The following MAP7D3 variants were observed in gnomAD, a reference collection of about 807,000 sequenced individuals.
MAP7D3 encodes the protein MAP7 domain-containing protein 3.
In MAP7D3, 45 loss-of-function variants were observed where a neutral mutation model predicts 62.2. The observed-to-expected ratio is 0.72, with a 90% CI of 0.57 to 0.93. MAP7D3 has a LOEUF of 0.93. Ranked by LOEUF, MAP7D3 falls within the 40% of genes least tolerant of loss-of-function variation. MAP7D3 has a pLI of 0.00. For synonymous variants in MAP7D3, 288 were observed against 248.8 expected (o/e 1.16, Z -1.48); for missense variants, 711 against 683.1 (o/e 1.04, Z -0.45).
chrX:136,227,042 T>C (rs767680800), intron 12 of MAP7D3, among the ~76,000 whole-genome samples: 2 of 111,678 alleles, frequency 1.8e-5, no homozygotes, highest in Middle Eastern at 4.6e-3. Flanking sequence ...GGCAGGAGAA[T>C]GGCTTGAACC....
rs1603282392 is a variant in MAP7D3, at chrX:136,242,003, C to T, written c.418-726G>A. 2.7e-5 allele frequency among the ~76,000 whole-genome samples: 3 copies of T among 111,082 alleles called. No individual in the cohort carries two copies. In the Middle Eastern group the frequency reaches 0.014, roughly 510 times the overall value. ...CCATGAACTCAGGTAAGCAAATCAA[C>T]TTTTAGGACCAGAGATCTTCTATTT... is the stretch of plus-strand genomic sequence containing the variant. On this transcript the variant is annotated intron_variant, in intron 4 of 18. Transcript: ENST00000316077.
chrX:136,215,908 G>T (rs1368564266), downstream of MAP7D3, among the ~76,000 whole-genome samples: 1 of 111,478 alleles, frequency 9.0e-6, no homozygotes, highest in African/African-American at 3.3e-5. Context: ...GCAAGGGGAG[G>T]AGGGAAAGGG....
chrX:136,231,651 C>T lies in MAP7D3; in HGVS notation c.1306G>A (p.Glu436Lys). 1 of 1,210,750 alleles carries T rather than the reference C, an allele frequency of 8.3e-7. No homozygotes were observed. Among genetic ancestry groups the T allele is most frequent in the African/African-American group, 1.7e-5 (1 of 57,498 alleles). Residue 436 changes from glutamate (E) to lysine (K), a missense_variant, in exon 8 of 19, where the codon GAG (glutamate) becomes AAG (lysine). Glu to Lys is a moderately conservative substitution (Grantham distance 56). Coordinates refer to ENST00000316077, the MANE Select transcript of MAP7D3 (RefSeq NM_024597.4). ...GCCTCAGGAGATGCCTCCATGCTCT[C>T]CTTGGGTGACCCTTTCACACTCTCC... is the stretch of plus-strand genomic sequence containing the variant. ...PKESVKGSPK[E>K]SMEASPEAMV...
chrX:136,224,957 C>A, intron 13 of MAP7D3, 77 bp from the exon 14 acceptor site: 1 of 667,536 alleles, frequency 1.5e-6, no homozygotes, highest in African/African-American at 2.1e-5. Flanking sequence ...AGTTGATTAT[C>A]CCCATTTCAC....
intron 14 of MAP7D3, 115 bp from the exon 15 acceptor site, chrX:136,222,601 G>A: frequency 8.6e-6 from 5 of 582,856 alleles, no homozygotes; most frequent in Middle Eastern, 4.9e-4. Context: ...TCATTTCAAC[G>A]AAAAGGTAAA....
chrX:136,244,667 C>A lies in MAP7D3; in HGVS notation c.382G>T (p.Glu128Ter). ...TCATCCTTCTGGTGTCTTTTTTCTT[C>A]TGCAGCTATTCTCCGTTGTTCTTCT... ...EKEEQRRIAAEEKRHQKDEAQ... is the reference protein window; with the variant it reads ...EKEEQRRIAA Residue 128 changes from glutamate to a stop codon, truncating the protein, a stop_gained, in exon 4 of 19, where the codon GAA (glutamate) becomes TAA (stop). Transcript: ENST00000316077. LOFTEE classifies it high-confidence loss of function. The A allele has an allele frequency of 8.3e-7, 1 of 1,210,169 alleles. No individual in the cohort carries two copies. Among genetic ancestry groups the A allele is most frequent in the Non-Finnish European group, 1.1e-6 (1 of 894,811 alleles).
In MAP7D3 at chrX:136,231,680, G is replaced by A. The variant is rs1379044302; in HGVS notation, c.1277C>T (p.Pro426Leu). 1.7e-6 allele frequency: 2 copies of A among 1,208,560 alleles called. No homozygotes were observed. The highest frequency in any genetic ancestry group is 2.2e-5 in the Admixed American group (1 of 45,912). ...GGGTGACCCTTTCACACTCTCCTTG[G>A]GGGCTACTTCTGCGCTCCCCTTGGG... Reference protein sequence around the residue: ...APPKGSAEVAPKESVKGSPKE... With the variant: ...APPKGSAEVALKESVKGSPKE... Residue 426 changes from proline to leucine, a missense_variant, in exon 8 of 19, where the codon CCC becomes CTC. Pro to Leu is a moderately conservative substitution (Grantham distance 98, BLOSUM62 -3). Coordinates refer to ENST00000316077, the MANE Select transcript of MAP7D3 (RefSeq NM_024597.4).
chrX:136,244,562 T>C, intron 4 of MAP7D3, 70 bp downstream of exon 4: 1 of 1,025,880 alleles, frequency 9.7e-7, no homozygotes, highest in Non-Finnish European at 1.3e-6. Context: ...AGAGAAGGCC[T>C]GAGAAAACAA....
chrX:136,238,623 T>C (rs1302581510), intron 6 of MAP7D3, among the ~76,000 whole-genome samples: 1 of 111,236 alleles, frequency 9.0e-6, no homozygotes, highest in Non-Finnish European at 1.9e-5. Context: ...GAAAGCACAT[T>C]GAGGGTGGAG....
intron 1 of MAP7D3, among the ~76,000 whole-genome samples, chrX:136,249,384 T>C (rs949979517): frequency 4.4e-5 from 5 of 112,666 alleles, no homozygotes; most frequent in African/African-American, 6.4e-5. Context: ...AGTGGCAAGT[T>C]TCTTATGCTC....
At chrX:136,253,893 A>G (rs755494284), upstream of MAP7D3, among the ~76,000 whole-genome samples, 4 of 109,388 alleles carry the variant, frequency 3.7e-5, no homozygotes, top group East Asian at 1.2e-3. Flanking sequence ...CTGTAATTCC[A>G]GCTACTCGGG....
intron 7 of MAP7D3, among the ~76,000 whole-genome samples, chrX:136,233,083 T>C (rs1209396732): frequency 9.0e-6 from 1 of 111,388 alleles, no homozygotes; most frequent in Non-Finnish European, 1.9e-5. Flanking sequence ...AAAGGAAATG[T>C]AGACCATATT....
intron 15 of MAP7D3, among the ~76,000 whole-genome samples, 155 bp from the exon 16 acceptor site, chrX:136,221,118 TCA>T (rs1021759551): frequency 3.6e-5 from 4 of 111,092 alleles, no homozygotes; most frequent in African/African-American, 1.3e-4. Context: ...GGCCCAGCAG[TCA>T]CAGAGTTTCC....
intron 13 of MAP7D3, among the ~76,000 whole-genome samples, chrX:136,225,369 C>A (rs2074182911): frequency 9.0e-6 from 1 of 111,724 alleles, no homozygotes; most frequent in Admixed American, 9.5e-5. Flanking sequence ...CCTGTGCACA[C>A]TTCTTTCCCT....
intron 15 of MAP7D3, 102 bp downstream of exon 15, chrX:136,222,291 A>G (rs1347839243): frequency 7.2e-6 from 4 of 552,166 alleles, no homozygotes; most frequent in African/African-American, 6.9e-5. Context: ...GGAAAAACTC[A>G]GCACAGAAAG....
intron 4 of MAP7D3, among the ~76,000 whole-genome samples, chrX:136,244,344 C>T (rs1006456178): frequency 9.0e-6 from 1 of 111,504 alleles, no homozygotes; most frequent in African/African-American, 3.3e-5. Flanking sequence ...AGAACAAACC[C>T]CAGGCCACAG....
At position 136,231,626 on chromosome X, in the gene MAP7D3, G is replaced by A. The variant is rs766563053; in HGVS notation, c.1331C>T (p.Ala444Val). The A allele has an allele frequency of 9.1e-6, 11 of 1,208,246 alleles. No individual in the cohort carries two copies. Among genetic ancestry groups the A allele is most frequent in the South Asian group, 1.8e-5 (1 of 56,702 alleles). ...PKESMEASPE[A>V]MVKASPKTSL... Reference sequence around the variant, plus strand: ...TGTCTTGGGGGATGCTTTCACCATCGCCTCAGGAGATGCCTCCATGCTCTC... The same window carrying A: ...TGTCTTGGGGGATGCTTTCACCATCACCTCAGGAGATGCCTCCATGCTCTC... The change falls in exon 8 of 19, where the codon GCG becomes GTG. Residue 444 changes from alanine (A) to valine (V), a missense_variant. Transcript: ENST00000316077.
chrX:136,213,640 T>C (rs1603275413), downstream of MAP7D3: 1 of 111,383 alleles, frequency 9.0e-6, no homozygotes, highest in Non-Finnish European at 1.9e-5. Flanking sequence ...TGCTCTGGTG[T>C]CTGTGACATA....
intron 15 of MAP7D3, among the ~76,000 whole-genome samples, chrX:136,221,560 C>A (rs1403941667): frequency 8.9e-6 from 1 of 112,101 alleles, no homozygotes; most frequent in African/African-American, 3.2e-5. Flanking sequence ...TTCCTGACCT[C>A]GTGATCCGCC....
Sources: gnomAD v4.1 joint callset for allele counts (sites outside exome capture counted in the v4.1 genomes callset) on GRCh38, gnomAD v4.1.1 for gene constraint, MANE v1.5 for transcripts, NCBI Gene and HGNC (gene_info 2026-07-23, HGNC 2026-07-21) for gene names.